Variants in SCAP observed in about 807,000 individuals in gnomAD.
The protein encoded by SCAP is SREBF chaperone.
In SCAP, 65 loss-of-function variants were observed where a neutral mutation model predicts 123.6. The ratio of observed to expected loss-of-function variants is 0.53; its 90% CI spans 0.43 to 0.65. The LOEUF (loss-of-function observed/expected upper bound fraction) is 0.65. Among genes scored for constraint, SCAP ranks in the 30% least tolerant of loss-of-function variants. SCAP has a pLI of 0.00. For synonymous variants in SCAP, 740 were observed against 726.3 expected (o/e 1.02, Z -0.30); for missense variants, 1,398 against 1,712.5 (o/e 0.82, Z 3.24).
At position 47,418,856 on chromosome 3, in the gene SCAP, A is replaced by C; in HGVS notation, c.1941-13T>G. 2 of 1,511,504 alleles carry C rather than the reference A, an allele frequency of 1.3e-6. No homozygotes were observed. Among genetic ancestry groups the C allele is most frequent in the Non-Finnish European group, 1.8e-6 (2 of 1,132,620 alleles). 93.6% of individuals were successfully genotyped at this position (1,511,504 alleles called of 1,614,324 possible). The stretch of plus-strand genomic sequence containing the variant: ...CAGGCTGATGTACCTGGATTCGGAC[A>C]GTGGGCAGCCTCAGCGGGGGGCCTC... On this transcript the variant is annotated splice_polypyrimidine_tract_variant and intron_variant, in intron 13 of 22. Transcript: ENST00000265565.
At chr3:47,426,716 G>A (rs1190465285) in intron 6 of SCAP, among the ~76,000 whole-genome samples, 2 of 152,230 alleles carry the variant, frequency 1.3e-5, no homozygotes, top group Non-Finnish European at 1.5e-5. Context: ...GATTACAGGC[G>A]TGAGCCACCG....
intron 9 of SCAP, chr3:47,422,738 C>G (rs1407849427): frequency 2.0e-6 from 1 of 498,968 alleles, no homozygotes; most frequent in Non-Finnish European, 3.6e-6. Flanking sequence ...ACAGCTGCTA[C>G]GGGGAACGGG....
At chr3:47,471,142 T>C (rs1708011304) in intron 1 of SCAP, among the ~76,000 whole-genome samples, 1 of 152,126 alleles carries the variant, frequency 6.6e-6, no homozygotes, top group Non-Finnish European at 1.5e-5. Flanking sequence ...CTTCAAAATG[T>C]GCAAAGCTTT....
At chr3:47,446,460 C>T (rs933650596) in intron 1 of SCAP, among the ~76,000 whole-genome samples, 2 of 152,134 alleles carry the variant, frequency 1.3e-5, no homozygotes, top group Non-Finnish European at 2.9e-5. Flanking sequence ...CGTGAGCCAC[C>T]GTGCCTGGCC....
intron 10 of SCAP, among the ~76,000 whole-genome samples, chr3:47,421,790 A>T (rs1429553586): frequency 0.011 from 1,692 of 152,354 alleles, 35 homozygotes; most frequent in African/African-American, 0.039. Context: ...TGGGGGAAAG[A>T]CGGGCGAGAA....
intron 1 of SCAP, among the ~76,000 whole-genome samples, chr3:47,450,763 C>A (rs1707205906): frequency 8.2e-6 from 1 of 121,826 alleles, no homozygotes; most frequent in African/African-American, 2.8e-5. Context: ...ATTTCCCAAA[C>A]TGATTATAGG....
At chr3:47,455,561 C>T (rs1200157710) in intron 1 of SCAP, among the ~76,000 whole-genome samples, 2 of 142,890 alleles carry the variant, frequency 1.4e-5, no homozygotes, top group African/African-American at 5.2e-5. Context: ...CACCACTGCA[C>T]TCCAGCCTGG....
chr3:47,417,832 G>A lies in SCAP; in HGVS notation c.2448-6C>T, dbSNP rs767891154. ...CACTGTCCCGGCGCTGCCTGCTGGGGGCCAGGAGGGCGGAGTGAGAGGGGG... is the reference window on the plus strand; with the variant it reads ...CACTGTCCCGGCGCTGCCTGCTGGGAGCCAGGAGGGCGGAGTGAGAGGGGG... On this transcript the variant is annotated splice_polypyrimidine_tract_variant and splice_region_variant and intron_variant, in intron 16 of 22. Coordinates refer to ENST00000265565, the MANE Select transcript of SCAP (RefSeq NM_012235.4). 1.9e-6 allele frequency: 3 copies of A among 1,549,238 alleles called. No individual in the cohort carries two copies. The highest frequency in any genetic ancestry group is 2.4e-5 in the East Asian group (1 of 41,916).
At chr3:47,424,723 A>C (rs1349134246) in intron 8 of SCAP, among the ~76,000 whole-genome samples, 1 of 152,222 alleles carries the variant, frequency 6.6e-6, no homozygotes, top group Non-Finnish European at 1.5e-5. Context: ...TGTCAAGCTC[A>C]GGAAAGGGAG....
At chr3:47,467,994 T>C (rs1707896556) in intron 1 of SCAP, among the ~76,000 whole-genome samples, 1 of 152,014 alleles carries the variant, frequency 6.6e-6, no homozygotes, top group African/African-American at 2.4e-5. Context: ...CTTGCGATAG[T>C]TTGCTCAGAA....
intron 2 of SCAP, among the ~76,000 whole-genome samples, chr3:47,437,161 C>T (rs1706610029): frequency 6.6e-6 from 1 of 152,102 alleles, no homozygotes; most frequent in Non-Finnish European, 1.5e-5. Flanking sequence ...AAAGTTGGGC[C>T]AGGCACAGTG....
At chr3:47,418,090 G>A (rs1705710480) in intron 16 of SCAP, 44 bp downstream of exon 16, 21 of 1,453,622 alleles carry the variant, frequency 1.4e-5, no homozygotes, top group Middle Eastern at 2.4e-4. Flanking sequence ...GTGGGGTGAG[G>A]GGGGTTGTGG....
chr3:47,418,593 C>T, intron 14 of SCAP, 62 bp downstream of exon 14: 7 of 1,548,150 alleles, frequency 4.5e-6, no homozygotes, highest in Non-Finnish European at 6.1e-6. Context: ...CTCTCCCCTA[C>T]TCTTGCCTAC....
chr3:47,413,706 A>G lies in SCAP; in HGVS notation c.*148T>C. The G allele has an allele frequency of 9.1e-7, 1 of 1,097,492 alleles. No individual in the cohort carries two copies. Among genetic ancestry groups the G allele is most frequent in the Non-Finnish European group, 1.3e-6 (1 of 766,814 alleles). 68.0% of individuals were successfully genotyped at this position (1,097,492 alleles called of 1,614,324 possible). ...TAGCTCCCAAAGTGCCTGACAGATG[A>G]TGATATGGTTTTTTAAAAAAGTTTA... On this transcript the variant is annotated 3_prime_UTR_variant, in exon 23 of 23. Transcript: ENST00000265565.
At chr3:47,415,893 A>T (rs899217129) in intron 18 of SCAP, among the ~76,000 whole-genome samples, 28 of 152,158 alleles carry the variant, frequency 1.8e-4, no homozygotes, top group African/African-American at 6.0e-4. Flanking sequence ...GTCACCAGGA[A>T]CCCTGATGGT....
chr3:47,447,142 G>A (rs1361532176), intron 1 of SCAP, among the ~76,000 whole-genome samples: 2 of 152,124 alleles, frequency 1.3e-5, no homozygotes, highest in African/African-American at 2.4e-5. Flanking sequence ...AGTGGCTCAC[G>A]CCTATAGTCC....
At chr3:47,447,634 G>A (rs1217771204) in intron 1 of SCAP, among the ~76,000 whole-genome samples, 2 of 151,302 alleles carry the variant, frequency 1.3e-5, no homozygotes, top group African/African-American at 2.4e-5. Context: ...GCCACAGTGA[G>A]CCAAAGACTG....
intron 4 of SCAP, 98 bp downstream of exon 4, chr3:47,428,415 G>T: frequency 7.8e-7 from 1 of 1,276,682 alleles, no homozygotes; most frequent in Non-Finnish European, 1.1e-6. Context: ...TTCTATCTCT[G>T]CAGAGCTGAC....
chr3:47,423,876 A>C, intron 9 of SCAP, 57 bp downstream of exon 9: 1 of 1,212,534 alleles, frequency 8.2e-7, no homozygotes, highest in South Asian at 1.2e-5. Context: ...AGCAAGAGGA[A>C]CAGGCCCCAT....
Sources: allele counts gnomAD v4.1 joint callset (sites outside exome capture counted in the v4.1 genomes callset), GRCh38; gene constraint gnomAD v4.1.1; transcripts MANE v1.5; gene names NCBI Gene and HGNC (gene_info 2026-07-23, HGNC 2026-07-21).